The following LGI1 variants were observed in gnomAD, a reference collection of about 807,000 sequenced individuals.
LGI1 encodes leucine rich glioma inactivated 1, also known as leucine-rich glioma-inactivated protein 1.
Under a neutral mutation model 57.7 loss-of-function variants are expected in LGI1, and 11 were observed. The ratio of observed to expected loss-of-function variants is 0.19; its 90% CI spans 0.12 to 0.32. The LOEUF is 0.32. Ranked by LOEUF, LGI1 falls within the 10% of genes least tolerant of loss-of-function variation. The pLI, the probability that LGI1 is intolerant of heterozygous loss-of-function variation, is 1.00. For synonymous variants in LGI1, 222 were observed against 241.9 expected, an observed-to-expected ratio of 0.92 and a Z score of 0.76; for missense variants, 422 against 661.9, an observed-to-expected ratio of 0.64 and a Z score of 3.98.
rs537764692 is a variant in LGI1, at chr10:93,785,983, C to A, written c.432-4116C>A. On this transcript the variant is annotated intron_variant, in intron 4 of 7. Coordinates refer to ENST00000371418, the MANE Select transcript of LGI1 (RefSeq NM_005097.4). Reference sequence around the variant, plus strand: ...TTGCCCCTGAGCCCGGTGCCCTCAGCAGCCCTCCGCTGCAGCAAATCTCCC... The same window carrying A: ...TTGCCCCTGAGCCCGGTGCCCTCAGAAGCCCTCCGCTGCAGCAAATCTCCC... Among the ~76,000 whole-genome samples, 73 of 45,470 alleles carry A rather than the reference C, an allele frequency of 1.6e-3. 20 individuals are homozygous for A. The highest frequency in any genetic ancestry group is 2.0e-3 in the African/African-American group (67 of 32,700). 29.8% of individuals were successfully genotyped at this position (45,470 alleles called of 152,430 possible).
chr10:93,758,730 G>C lies in LGI1; in HGVS notation c.216-30G>C, dbSNP rs1468599185. On this transcript the variant is annotated intron_variant, in intron 1 of 7. Transcript: ENST00000371418. This position sits in a 1 kb window ranked among gnomAD's most constrained non-coding sequence, Gnocchi z 4.7. Reference sequence around the variant, plus strand: ...TGTGTCTCTTTGTGTGTGTCTGTTTGTTTGTTTTCTCTTTTTTGTTTTCTT... The same window carrying C: ...TGTGTCTCTTTGTGTGTGTCTGTTTCTTTGTTTTCTCTTTTTTGTTTTCTT... The C allele has an allele frequency of 2.6e-6, 4 of 1,513,684 alleles. No individual in the cohort carries two copies. The Admixed American group carries it at 6.7e-5, about 25-fold the overall frequency. The allele number at this position is 1,513,684 out of a possible 1,614,324, so 93.8% of individuals were successfully genotyped here.
intron 2 of LGI1, among the ~76,000 whole-genome samples, chr10:93,774,146 G>T (rs1431865819): frequency 6.6e-6 from 1 of 152,066 alleles, no homozygotes; most frequent in Non-Finnish European, 1.5e-5. Flanking sequence ...GAGACCCCTT[G>T]GTCACCACAG....
chr10:93,787,491 A>G (rs1018030106), intron 4 of LGI1, among the ~76,000 whole-genome samples: 2 of 152,102 alleles, frequency 1.3e-5, no homozygotes, highest in Non-Finnish European at 2.9e-5. Flanking sequence ...TGGAAGCCCC[A>G]TAGCTCCAAG....
At chr10:93,792,667 T>C in intron 5 of LGI1, 76 bp from the exon 6 acceptor site, 5 of 1,448,272 alleles carry the variant, frequency 3.5e-6, no homozygotes, top group Non-Finnish European at 4.9e-6. Context: ...CTGCACATGT[T>C]AATTGTTGAT....
At chr10:93,777,112 C>A in intron 2 of LGI1, 1 of 571,762 alleles carries the variant, frequency 1.7e-6, no homozygotes, top group Non-Finnish European at 3.1e-6. Flanking sequence ...CATAGCTGCT[C>A]TGATTGTATC....
chr10:93,793,699 A>C lies in LGI1; in HGVS notation c.838+349A>C, dbSNP rs562767552. Among the ~76,000 whole-genome samples the C allele has an allele frequency of 1.7e-3, 257 of 152,326 alleles. No homozygotes were observed. The Middle Eastern group carries it at 0.017, about 10-fold the overall frequency. ...TCTAGTCCAGGTTCTGCCACAGTCT[A>C]TTTGGGCAAGCTGCTCATACTCACT... is the stretch of plus-strand genomic sequence containing the variant. On this transcript the variant is annotated intron_variant, in intron 7 of 7. Transcript: ENST00000371418.
intron 2 of LGI1, chr10:93,767,698 C>T (rs1327030980): frequency 1.3e-5 from 2 of 152,106 alleles, no homozygotes; most frequent in Non-Finnish European, 2.9e-5. Context: ...AGTGTGGATT[C>T]GTTGATGTGA....
intron 4 of LGI1, chr10:93,788,354 TG>T (rs2059907740): frequency 6.6e-6 from 1 of 152,256 alleles, no homozygotes; most frequent in South Asian, 2.1e-4. Context: ...CGTTGTTTCT[TG>T]GACAACATAC....
intron 2 of LGI1, among the ~76,000 whole-genome samples, chr10:93,760,223 A>C (rs564998298): frequency 6.6e-4 from 100 of 152,350 alleles, no homozygotes; most frequent in Non-Finnish European, 1.3e-3. Flanking sequence ...TTGACTAGAT[A>C]TTCCTAAGGG....
At chr10:93,773,331 G>C (rs1474027479) in intron 2 of LGI1, among the ~76,000 whole-genome samples, 1 of 152,142 alleles carries the variant, frequency 6.6e-6, no homozygotes, top group Non-Finnish European at 1.5e-5. Context: ...GACCTGTGCT[G>C]AGAGGCCACC....
intron 4 of LGI1, among the ~76,000 whole-genome samples, chr10:93,784,971 T>A (rs1313157862): frequency 6.6e-6 from 1 of 152,218 alleles, no homozygotes; most frequent in Non-Finnish European, 1.5e-5. Flanking sequence ...TTAACAGTGG[T>A]TACTTCTGCT....
intron 5 of LGI1, chr10:93,791,638 T>C (rs1272497177): frequency 6.6e-6 from 1 of 152,180 alleles, no homozygotes; most frequent in Non-Finnish European, 1.5e-5. Flanking sequence ...ATTATTTATG[T>C]GTGGTGTGAA....
At chr10:93,793,086 T>C in intron 6 of LGI1, 100 bp from the exon 7 acceptor site, 2 of 1,218,838 alleles carry the variant, frequency 1.6e-6, no homozygotes, top group South Asian at 1.4e-5. Flanking sequence ...ATGGCCATTT[T>C]ACTATTCTCT....
Position 93,758,430 on chromosome 10 carries a change from C to A in LGI1, c.215+71C>A. 7.0e-7 allele frequency: 1 copy of A among 1,428,038 alleles called. No homozygotes were observed. 88.5% of individuals were successfully genotyped at this position (1,428,038 alleles called of 1,614,324 possible). On this transcript the variant is annotated intron_variant, in intron 1 of 7. Coordinates refer to ENST00000371418, the MANE Select transcript of LGI1 (RefSeq NM_005097.4). The surrounding 1 kb of genome is among the most constrained non-coding windows in gnomAD (Gnocchi z 4.7). Reference sequence around the variant, plus strand: ...TCCAGCCGGTGGATTTGGGGCTTTGCATGTATTTGTAGAAGGGCATGGAGA... The same window carrying A: ...TCCAGCCGGTGGATTTGGGGCTTTGAATGTATTTGTAGAAGGGCATGGAGA...
At chr10:93,761,643 A>G (rs2059624578) in intron 2 of LGI1, among the ~76,000 whole-genome samples, 1 of 152,208 alleles carries the variant, frequency 6.6e-6, no homozygotes, top group African/African-American at 2.4e-5. Context: ...CTGGTAGGCC[A>G]TGGCTGGCAG....
At position 93,790,418 on chromosome 10, in the gene LGI1, G is replaced by T. The variant is rs2059927086; in HGVS notation, c.503+248G>T. ...CTTTGACAAAGTGTGTGTCAATACGGCAGGGAGCGATGATAAAGGACTTTG... is the reference window on the plus strand; with the variant it reads ...CTTTGACAAAGTGTGTGTCAATACGTCAGGGAGCGATGATAAAGGACTTTG... On this transcript the variant is annotated intron_variant, in intron 5 of 7. Transcript: ENST00000371418. 21 of 486,008 alleles carry T rather than the reference G, an allele frequency of 4.3e-5. 1 individual carries two copies. The South Asian group carries it at 5.9e-4, about 14-fold the overall frequency. 30.1% of individuals were successfully genotyped at this position (486,008 alleles called of 1,614,324 possible). A position where few individuals can be genotyped will look rare whatever the true frequency, so the allele number is the denominator to read the frequency against.
chr10:93,789,207 AAG>A (rs2059915350), intron 4 of LGI1: 2 of 152,238 alleles, frequency 1.3e-5, no homozygotes, highest in Admixed American at 1.3e-4. Context: ...AAGAAGGAGA[AAG>A]AGGGGGATGA....
Position 93,785,868 on chromosome 10 carries a change from C to G in LGI1, c.432-4231C>G, listed in dbSNP as rs1262006390. On this transcript the variant is annotated intron_variant, in intron 4 of 7. Transcript: ENST00000371418. ...AGCTGTTAAAATTCCCTGATAGACACAGGATCTCATTCTACTTACCCCTTT... is the reference window on the plus strand; with the variant it reads ...AGCTGTTAAAATTCCCTGATAGACAGAGGATCTCATTCTACTTACCCCTTT... Among the ~76,000 whole-genome samples the G allele has an allele frequency of 8.7e-5, 4 of 46,226 alleles. 1 individual carries two copies. Among genetic ancestry groups the G allele is most frequent in the African/African-American group, 1.2e-4 (4 of 33,216 alleles). The allele number at this position is 46,226 out of a possible 152,430, so 30.3% of individuals were successfully genotyped here. A position where few individuals can be genotyped will look rare whatever the true frequency, so the allele number is the denominator to read the frequency against.
At chr10:93,783,354 T>C (rs1040620730) in intron 4 of LGI1, among the ~76,000 whole-genome samples, 17 of 152,248 alleles carry the variant, frequency 1.1e-4, no homozygotes, top group Admixed American at 3.9e-4. Context: ...CCAGCTTGGG[T>C]GACAGAGCGA....
Sources: gnomAD v4.1 joint callset for allele counts (sites outside exome capture counted in the v4.1 genomes callset) on GRCh38, gnomAD v4.1.1 for gene constraint, Gnocchi (gnomAD v3.1) non-coding constraint, MANE v1.5 for transcripts, NCBI Gene and HGNC (gene_info 2026-07-23, HGNC 2026-07-21) for gene names.